SLC16A10: variants seen among roughly 807,000 people sequenced by gnomAD.
SLC16A10 encodes the protein monocarboxylate transporter 10.
In SLC16A10, 27 loss-of-function variants were observed where a neutral mutation model predicts 40.0. The ratio of observed to expected loss-of-function variants is 0.67; its 90% CI spans 0.50 to 0.93. The LOEUF (loss-of-function observed/expected upper bound fraction) is 0.93, where lower values mean the gene tolerates loss of function less well. Ranked by LOEUF, SLC16A10 falls within the 40% of genes least tolerant of loss-of-function variation. The pLI is 0.00. For synonymous variants in SLC16A10, 213 were observed against 249.8 expected (o/e 0.85, Z 1.39); for missense variants, 529 against 658.2 (o/e 0.80, Z 2.15).
At chr6:111,107,930 C>T (rs1771313387) in intron 1 of SLC16A10, among the ~76,000 whole-genome samples, 1 of 152,072 alleles carries the variant, frequency 6.6e-6, no homozygotes, top group Non-Finnish European at 1.5e-5. Flanking sequence ...GAGAGTCCTT[C>T]TCCACCAGGA....
chr6:111,204,925 T>C (rs1006460128), intron 3 of SLC16A10, among the ~76,000 whole-genome samples: 10 of 152,206 alleles, frequency 6.6e-5, no homozygotes, highest in African/African-American at 2.4e-4. Context: ...ATTTAAATTT[T>C]GTACTTTTTT....
chr6:111,095,755 A>G (rs1405174963), intron 1 of SLC16A10, among the ~76,000 whole-genome samples: 1 of 152,182 alleles, frequency 6.6e-6, no homozygotes, highest in Non-Finnish European at 1.5e-5. Flanking sequence ...TCCCCTGCAC[A>G]CTTTCTGTTG....
intron 1 of SLC16A10, among the ~76,000 whole-genome samples, chr6:111,121,724 A>T (rs534457380): frequency 6.6e-5 from 10 of 152,368 alleles, no homozygotes; most frequent in African/African-American, 2.4e-4. Flanking sequence ...GCAGAGAACC[A>T]GCCAGGGCCA....
chr6:111,100,395 T>G (rs1583302097), intron 1 of SLC16A10, among the ~76,000 whole-genome samples: 1 of 152,138 alleles, frequency 6.6e-6, no homozygotes, highest in East Asian at 1.9e-4. Context: ...TATCTACAGT[T>G]GTCTTTTTTT....
intron 3 of SLC16A10, among the ~76,000 whole-genome samples, chr6:111,185,444 G>A (rs1211713369): frequency 1.3e-5 from 2 of 152,190 alleles, no homozygotes; most frequent in African/African-American, 4.8e-5. Flanking sequence ...ATGCTTCACA[G>A]CCAGGGAGAA....
chr6:111,113,122 T>A (rs562104339), intron 1 of SLC16A10, among the ~76,000 whole-genome samples: 55 of 152,330 alleles, frequency 3.6e-4, no homozygotes, highest in African/African-American at 1.3e-3. Flanking sequence ...TATTAACAAA[T>A]TAAATAATTT....
At chr6:111,219,093 T>G in intron 5 of SLC16A10, 51 bp downstream of exon 5, 1 of 1,499,690 alleles carries the variant, frequency 6.7e-7, no homozygotes. Context: ...TATTTTCTAC[T>G]TCAGGTCTTA....
intron 2 of SLC16A10, among the ~76,000 whole-genome samples, 164 bp from the exon 3 acceptor site, chr6:111,177,048 A>G (rs1278671600): frequency 6.6e-6 from 1 of 150,964 alleles, no homozygotes; most frequent in Non-Finnish European, 1.5e-5. Flanking sequence ...TGACTTACTG[A>G]GTTTTTCCCT....
chr6:111,146,329 A>G (rs539333575), intron 1 of SLC16A10, among the ~76,000 whole-genome samples: 2 of 152,342 alleles, frequency 1.3e-5, no homozygotes, highest in Admixed American at 1.3e-4. Flanking sequence ...TAGAACCCTC[A>G]TACACTGTGG....
chr6:111,107,443 A>G (rs1562399307), intron 1 of SLC16A10, among the ~76,000 whole-genome samples: 1 of 152,228 alleles, frequency 6.6e-6, no homozygotes, highest in Non-Finnish European at 1.5e-5. Context: ...ACAATACTCT[A>G]AAGGAACCAG....
intron 1 of SLC16A10, among the ~76,000 whole-genome samples, chr6:111,090,674 A>G (rs1238102801): frequency 6.6e-6 from 1 of 152,096 alleles, no homozygotes; most frequent in Non-Finnish European, 1.5e-5. Flanking sequence ...TCCCTCATCT[A>G]CCACAGTCAC....
chr6:111,096,481 G>A (rs986397165), intron 1 of SLC16A10, among the ~76,000 whole-genome samples: 13 of 149,708 alleles, frequency 8.7e-5, no homozygotes, highest in African/African-American at 2.6e-4. Flanking sequence ...CCTGGGAACT[G>A]CGCAGACCCA....
At chr6:111,147,254 A>AT (rs1772096455) in intron 1 of SLC16A10, among the ~76,000 whole-genome samples, 1 of 152,230 alleles carries the variant, frequency 6.6e-6, no homozygotes, top group South Asian at 2.1e-4. Context: ...CAAAGGCAAA[A>AT]TACAGAGTAT....
chr6:111,151,044 G>T (rs1315225301), intron 1 of SLC16A10, among the ~76,000 whole-genome samples: 2 of 152,042 alleles, frequency 1.3e-5, no homozygotes, highest in African/African-American at 4.8e-5. Context: ...TCCATCAGGT[G>T]ACCTCTAGTA....
At chr6:111,206,502 G>T (rs772200095) in intron 3 of SLC16A10, 90 bp from the exon 4 acceptor site, 43 of 1,418,914 alleles carry the variant, frequency 3.0e-5, no homozygotes, top group Non-Finnish European at 4.1e-5. Context: ...CCATAACATT[G>T]CAGAGAAGCA....
At chr6:111,212,280 C>T (rs1390520758) in intron 4 of SLC16A10, among the ~76,000 whole-genome samples, 6 of 152,104 alleles carry the variant, frequency 3.9e-5, no homozygotes, top group Non-Finnish European at 8.8e-5. Context: ...ATTAATAAAT[C>T]CTTGCATCTG....
chr6:111,124,304 G>A (rs1421294957), intron 1 of SLC16A10, among the ~76,000 whole-genome samples: 3 of 145,350 alleles, frequency 2.1e-5, no homozygotes, highest in Admixed American at 1.4e-4. Context: ...TATACTTATA[G>A]TTAAAAAAAA....
chr6:111,177,767 C>T, intron 3 of SLC16A10, 102 bp downstream of exon 3: 1 of 1,066,366 alleles, frequency 9.4e-7, no homozygotes, highest in Non-Finnish European at 1.3e-6. Context: ...CAAACATTAT[C>T]CTGGTTGTAA....
chr6:111,207,813 GGAATA>G (rs1193369848), intron 4 of SLC16A10, among the ~76,000 whole-genome samples: 3 of 152,124 alleles, frequency 2.0e-5, no homozygotes, highest in African/African-American at 7.2e-5. Context: ...ATGTTTGAAT[GGAATA>G]AAGGGAGAAT....
Sources: gnomAD v4.1 joint callset for allele counts (sites outside exome capture counted in the v4.1 genomes callset) on GRCh38, gnomAD v4.1.1 for gene constraint, MANE v1.5 for transcripts, NCBI Gene and HGNC (gene_info 2026-07-23, HGNC 2026-07-21) for gene names.